SAMD12: variants seen among roughly 807,000 people sequenced by gnomAD.
SAMD12 encodes sterile alpha motif domain-containing protein 12.
In SAMD12, 9 loss-of-function variants were observed where a neutral mutation model predicts 15.0. That is an observed-to-expected ratio of 0.60 (90% CI 0.36 to 1.05). The LOEUF is 1.05. Among genes scored for constraint, SAMD12 ranks in the 50% least tolerant of loss-of-function variants. The pLI, the probability that SAMD12 is intolerant of heterozygous loss-of-function variation, is 0.01. For missense variants in SAMD12, 230 were observed against 234.2 expected, an observed-to-expected ratio of 0.98 and a Z score of 0.12; for synonymous variants, 86 against 90.1, an observed-to-expected ratio of 0.96 and a Z score of 0.25.
chr8:118,431,531 T>C (rs1270982567), intron 3 of SAMD12, among the ~76,000 whole-genome samples: 1 of 152,176 alleles, frequency 6.6e-6, no homozygotes, highest in Non-Finnish European at 1.5e-5. Flanking sequence ...CATTTTTTTT[T>C]TGTTTCAACC....
exon 5 of SAMD12, chr8:118,194,522 A>G (rs2129744529): frequency 6.6e-6 from 1 of 152,284 alleles, no homozygotes; most frequent in Middle Eastern, 3.4e-3. Flanking sequence ...AAGTCTCATA[A>G]TTATTCATTT....
intron 3 of SAMD12, among the ~76,000 whole-genome samples, chr8:118,385,176 G>A (rs926331716): frequency 2.6e-5 from 4 of 152,152 alleles, no homozygotes; most frequent in South Asian, 2.1e-4. Flanking sequence ...TGAGGTGCCC[G>A]GGTACTTAGT....
At position 118,604,243 on chromosome 8, in the gene SAMD12, T is replaced by C. The variant is rs573419345; in HGVS notation, c.13+17561A>G. 7.9e-5 allele frequency among the ~76,000 whole-genome samples: 12 copies of C among 152,336 alleles called. No individual in the cohort carries two copies. In the South Asian group the frequency reaches 2.3e-3, roughly 29 times the overall value. ...AGAGAATGTTTATAAGCCACAATAC[T>C]TGGTATACAAGTAAGCATTTAATAA... On this transcript the variant is annotated intron_variant, in intron 1 of 3. Transcript: ENST00000314727.
intron 3 of SAMD12, among the ~76,000 whole-genome samples, chr8:118,437,659 T>C (rs921039785): frequency 6.6e-6 from 1 of 152,144 alleles, no homozygotes; most frequent in African/African-American, 2.4e-5. Context: ...CCCAAGAAAG[T>C]AGTGATTTCC....
the SAMD12 span, among the ~76,000 whole-genome samples, chr8:118,138,820 C>T: frequency 6.6e-6 from 1 of 152,180 alleles, no homozygotes; most frequent in South Asian, 2.1e-4. Flanking sequence ...CCACATTCAC[C>T]ATCATAGCTG....
At chr8:118,282,319 A>T (rs1340387470) in intron 4 of SAMD12, 1 of 456,254 alleles carries the variant, frequency 2.2e-6, no homozygotes, top group Non-Finnish European at 4.4e-6. Flanking sequence ...TGCCAAGGAC[A>T]TGGGGCTCAA....
In SAMD12 at chr8:118,299,692, A is replaced by C. The variant is rs535704193; in HGVS notation, c.433+79868T>G. Among the ~76,000 whole-genome samples the C allele has an allele frequency of 5.3e-5, 8 of 152,326 alleles. No individual in the cohort carries two copies. In the South Asian group the frequency reaches 1.7e-3, roughly 32 times the overall value. On this transcript the variant is annotated intron_variant, in intron 4 of 4. Coordinates refer to the SAMD12 transcript ENST00000409003. The stretch of plus-strand genomic sequence containing the variant: ...TAATATAGGAATCTAAGGAGCAGGC[A>C]GTTGGAAAAGTTCAGATGAAAGATG...
At chr8:118,224,964 A>G (rs571382628) in intron 4 of SAMD12, among the ~76,000 whole-genome samples, 1 of 152,278 alleles carries the variant, frequency 6.6e-6, no homozygotes, top group South Asian at 2.1e-4. Flanking sequence ...GTTTCCATCA[A>G]TCTTTATTCA....
chr8:118,449,362 C>T (rs910036967), intron 2 of SAMD12, among the ~76,000 whole-genome samples: 32 of 151,856 alleles, frequency 2.1e-4, no homozygotes, highest in African/African-American at 7.5e-4. Flanking sequence ...CACCAGCCTA[C>T]AGAGGCAGAG....
At chr8:118,403,838 G>C (rs1297657123) in intron 3 of SAMD12, among the ~76,000 whole-genome samples, 1 of 152,194 alleles carries the variant, frequency 6.6e-6, no homozygotes, top group African/African-American at 2.4e-5. Context: ...GTACAAAAAA[G>C]AGCGATTAAC....
intron 1 of SAMD12, among the ~76,000 whole-genome samples, chr8:118,592,612 G>C (rs534940686): frequency 9.2e-5 from 14 of 152,156 alleles, no homozygotes; most frequent in Non-Finnish European, 1.5e-4. Context: ...TACATAGAAA[G>C]TGCTCAGCAA....
the SAMD12 span, among the ~76,000 whole-genome samples, chr8:118,134,826 C>T: frequency 0.058 from 8,872 of 152,274 alleles, 437 homozygotes; most frequent in Admixed American, 0.14. Context: ...TACCAGCCTC[C>T]TCAGAGCAAA....
intron 2 of SAMD12, among the ~76,000 whole-genome samples, chr8:118,532,329 TTC>T (rs1459940803): frequency 6.6e-6 from 1 of 152,242 alleles, no homozygotes; most frequent in Non-Finnish European, 1.5e-5. Context: ...TGCTCCTGGA[TTC>T]TGTTTGACAG....
intron 4 of SAMD12, among the ~76,000 whole-genome samples, chr8:118,345,604 T>C (rs999170334): frequency 6.6e-6 from 1 of 152,102 alleles, no homozygotes; most frequent in Non-Finnish European, 1.5e-5. Context: ...AGCATAAGCG[T>C]GGGGTGTAGA....
At chr8:118,477,305 A>T (rs1823988003) in intron 2 of SAMD12, among the ~76,000 whole-genome samples, 1 of 152,008 alleles carries the variant, frequency 6.6e-6, no homozygotes, top group African/African-American at 2.4e-5. Flanking sequence ...ACCTCAAGTG[A>T]TCCGCCCACT....
At chr8:118,371,597 C>T (rs565279381) in intron 4 of SAMD12, among the ~76,000 whole-genome samples, 1 of 152,168 alleles carries the variant, frequency 6.6e-6, no homozygotes, top group Admixed American at 6.5e-5. Flanking sequence ...AGAACCAACA[C>T]AGGAGGAAGA....
At chr8:118,543,275 G>A (rs899265134) in intron 2 of SAMD12, among the ~76,000 whole-genome samples, 1 of 152,058 alleles carries the variant, frequency 6.6e-6, no homozygotes, top group African/African-American at 2.4e-5. Context: ...CCACACTCAC[G>A]ATGCCAATTA....
chr8:118,621,207 T>C (rs1828394607), intron 1 of SAMD12: 2 of 152,874 alleles, frequency 1.3e-5, no homozygotes, highest in Non-Finnish European at 2.9e-5. Flanking sequence ...TTCTTTTCCC[T>C]GGCTGATTAC....
intron 1 of SAMD12, among the ~76,000 whole-genome samples, chr8:118,599,203 G>A (rs1321180267): frequency 2.0e-5 from 3 of 152,134 alleles, no homozygotes; most frequent in Non-Finnish European, 4.4e-5. Context: ...TTGTAGTCTG[G>A]CATGGTGTGC....
Sources: gnomAD v4.1 joint callset for allele counts (sites outside exome capture counted in the v4.1 genomes callset) on GRCh38, gnomAD v4.1.1 for gene constraint, MANE v1.5 for transcripts, NCBI Gene and HGNC (gene_info 2026-07-23, HGNC 2026-07-21) for gene names.